LRRTM4: variants seen among roughly 807,000 people sequenced by gnomAD.
LRRTM4 encodes the protein leucine-rich repeat transmembrane neuronal protein 4.
A neutral mutation model predicts 47.6 loss-of-function variants in LRRTM4; 25 were observed. That is an observed-to-expected ratio of 0.53 (90% CI 0.38 to 0.73). The LOEUF (loss-of-function observed/expected upper bound fraction) is 0.73, where lower values mean the gene tolerates loss of function less well. LRRTM4 is among the 30% of genes least tolerant of loss of function. The pLI, the probability that LRRTM4 is intolerant of heterozygous loss-of-function variation, is 0.00. For missense variants in LRRTM4, 638 were observed against 713.4 expected (o/e 0.89, Z 1.20); for synonymous variants, 311 against 269.5 (o/e 1.15, Z -1.51).
intron 3 of LRRTM4, among the ~76,000 whole-genome samples, chr2:77,482,797 C>T (rs1258725541): frequency 1.3e-5 from 2 of 151,982 alleles, no homozygotes; most frequent in Non-Finnish European, 2.9e-5. Context: ...TTATTTGTCC[C>T]TCTACAAATA....
At chr2:77,231,207 GCA>G (rs368017161) in intron 3 of LRRTM4, among the ~76,000 whole-genome samples, 2 of 150,276 alleles carry the variant, frequency 1.3e-5, no homozygotes, top group East Asian at 2.0e-4. Context: ...AAGTACACAT[GCA>G]CACACACACA....
intron 3 of LRRTM4, among the ~76,000 whole-genome samples, chr2:77,501,702 C>T (rs938867196): frequency 8.6e-5 from 13 of 150,928 alleles, no homozygotes; most frequent in African/African-American, 1.2e-4. Context: ...AAAAGCTGAA[C>T]GGCAAGCTCT....
rs1384395275 is a variant in LRRTM4 at position 77,381,607 on chromosome 2, T to A, written c.1551+136711A>T. ...ATAAACACAAACATTTATCTTCATA[T>A]GATGAAGATTTTAAAAAGTATTAAT... On this transcript the variant is annotated intron_variant, in intron 3 of 3. Coordinates refer to ENST00000409884, the MANE Select transcript of LRRTM4 (RefSeq NM_001134745.3). 3.9e-5 allele frequency among the ~76,000 whole-genome samples: 6 copies of A among 152,070 alleles called. No homozygotes were observed. The East Asian group carries it at 9.6e-4, about 24-fold the overall frequency.
intron 3 of LRRTM4, among the ~76,000 whole-genome samples, chr2:76,943,521 C>T (rs13416943): frequency 6.6e-6 from 1 of 151,938 alleles, no homozygotes; most frequent in Admixed American, 6.5e-5. Context: ...GACTCACTGG[C>T]AACAGTTATT....
At chr2:76,919,663 G>A (rs1030590540) in intron 3 of LRRTM4, among the ~76,000 whole-genome samples, 6 of 152,064 alleles carry the variant, frequency 3.9e-5, no homozygotes, top group East Asian at 1.9e-4. Flanking sequence ...CCAACTTCCC[G>A]TGAATGGCTT....
chr2:77,368,769 G>A (rs1046089691), intron 3 of LRRTM4, among the ~76,000 whole-genome samples: 7 of 151,696 alleles, frequency 4.6e-5, no homozygotes, highest in African/African-American at 1.7e-4. Context: ...AGATATCCAC[G>A]TATCGGCTGT....
At chr2:77,015,239 C>G (rs1249059404) in intron 3 of LRRTM4, among the ~76,000 whole-genome samples, 2 of 152,154 alleles carry the variant, frequency 1.3e-5, no homozygotes, top group Non-Finnish European at 2.9e-5. Context: ...CCCTAAATCA[C>G]GTAAGCCAAC....
At chr2:77,468,809 A>T (rs1558757656) in intron 3 of LRRTM4, among the ~76,000 whole-genome samples, 1 of 152,176 alleles carries the variant, frequency 6.6e-6, no homozygotes, top group African/African-American at 2.4e-5. Context: ...CACAGGCCAT[A>T]TCCCTAAGTT....
chr2:76,794,301 T>C (rs891739024), intron 3 of LRRTM4, among the ~76,000 whole-genome samples: 3 of 152,282 alleles, frequency 2.0e-5, no homozygotes, highest in African/African-American at 4.8e-5. Context: ...ATAACAAATA[T>C]CTGCATTAGT....
chr2:77,469,631 G>A (rs1006433569), intron 3 of LRRTM4, among the ~76,000 whole-genome samples: 13 of 152,076 alleles, frequency 8.5e-5, no homozygotes, highest in East Asian at 3.8e-4. Context: ...TTAAGAAAGC[G>A]AGATGATGAA....
At chr2:77,022,962 C>T (rs1204990047) in intron 3 of LRRTM4, among the ~76,000 whole-genome samples, 5 of 152,350 alleles carry the variant, frequency 3.3e-5, no homozygotes, top group Admixed American at 3.3e-4. Flanking sequence ...CCCACATTTC[C>T]CTTCTGCACT....
intron 3 of LRRTM4, among the ~76,000 whole-genome samples, chr2:77,195,662 T>C (rs766999693): frequency 2.6e-5 from 4 of 152,162 alleles, no homozygotes; most frequent in Admixed American, 1.3e-4. Context: ...GGCAGTCAAA[T>C]TGCAAACTAA....
chr2:77,175,020 CAA>C (rs978727326), intron 3 of LRRTM4, among the ~76,000 whole-genome samples: 2 of 151,612 alleles, frequency 1.3e-5, no homozygotes, highest in Non-Finnish European at 2.9e-5. Context: ...AAGCCAAGCA[CAA>C]AGTTAGTTTC....
chr2:76,851,220 G>A (rs1016399470), intron 3 of LRRTM4, among the ~76,000 whole-genome samples: 4 of 152,170 alleles, frequency 2.6e-5, no homozygotes, highest in African/African-American at 4.8e-5. Context: ...GGAGCTCAAG[G>A]CTCACAGCAT....
intron 3 of LRRTM4, among the ~76,000 whole-genome samples, chr2:77,003,108 TAAG>T (rs1677494403): frequency 2.0e-5 from 3 of 152,198 alleles, no homozygotes; most frequent in Admixed American, 6.5e-5. Context: ...TACTTTGCGA[TAAG>T]AATATATGGA....
intron 3 of LRRTM4, among the ~76,000 whole-genome samples, chr2:77,313,192 T>C (rs1237732862): frequency 5.3e-5 from 8 of 150,644 alleles, no homozygotes; most frequent in African/African-American, 2.0e-4. Context: ...TCCTGAGACC[T>C]GTTGTGGTGA....
chr2:77,304,021 A>G (rs1677112491), intron 3 of LRRTM4, among the ~76,000 whole-genome samples: 1 of 152,140 alleles, frequency 6.6e-6, no homozygotes, highest in East Asian at 1.9e-4. Context: ...TAACTTTTTG[A>G]GAAACCTCCA....
intron 3 of LRRTM4, among the ~76,000 whole-genome samples, chr2:77,360,502 G>GATACGATACGATACGATACA (rs1558706198): frequency 6.7e-6 from 1 of 149,298 alleles, no homozygotes; most frequent in African/African-American, 2.5e-5. Flanking sequence ...GATACGATAC[G>GATACGATACGATACGATACA]ATACGATACG....
At chr2:77,070,406 CTCTA>C (rs1347958513) in intron 3 of LRRTM4, among the ~76,000 whole-genome samples, 6 of 148,018 alleles carry the variant, frequency 4.1e-5, no homozygotes, top group Non-Finnish European at 6.1e-5. Flanking sequence ...ATGTCACTCT[CTCTA>C]TATATATATT....
Sources: allele counts gnomAD v4.1 joint callset (sites outside exome capture counted in the v4.1 genomes callset), GRCh38; gene constraint gnomAD v4.1.1; transcripts MANE v1.5; gene names NCBI Gene and HGNC (gene_info 2026-07-23, HGNC 2026-07-21).